The following ARHGAP39 variants were observed in gnomAD, a reference collection of about 807,000 sequenced individuals.
ARHGAP39 encodes rho GTPase-activating protein 39.
A neutral mutation model predicts 106.9 loss-of-function variants in ARHGAP39; 44 were observed. The ratio of observed to expected loss-of-function variants is 0.41; its 90% confidence interval spans 0.32 to 0.53. The LOEUF (loss-of-function observed/expected upper bound fraction) is 0.53. Among genes scored for constraint, ARHGAP39 ranks in the 20% least tolerant of loss-of-function variants. The probability of loss-of-function intolerance (pLI) is 0.21; values close to 1 mark genes in which losing one functional copy is unlikely to be tolerated. For synonymous variants in ARHGAP39, 768 were observed against 693.2 expected (o/e 1.11, Z -1.69); for missense variants, 1,496 against 1,577.3 (o/e 0.95, Z 0.87).
chr8:144,687,097 A>T (rs151099002), upstream of ARHGAP39, among the ~76,000 whole-genome samples: 205 of 5,178 alleles, frequency 0.04, 16 homozygotes, highest in African/African-American at 0.11. Context: ...CCGTGACCAC[A>T]CACTGGCGGC....
intron 1 of ARHGAP39, among the ~76,000 whole-genome samples, chr8:144,682,441 C>T (rs1563736809): frequency 4.1e-5 from 6 of 146,404 alleles, no homozygotes; most frequent in Admixed American, 2.1e-4. Flanking sequence ...CCCAGCTACT[C>T]GGGAGGCTGA....
chr8:144,671,959 G>A lies in ARHGAP39; in HGVS notation c.-82+13727C>T, dbSNP rs149472561. Among the ~76,000 whole-genome samples the A allele has an allele frequency of 0.021, 3,195 of 152,294 alleles. 122 individuals carry two copies. Among genetic ancestry groups the A allele is most frequent in the African/African-American group, 0.073 (3,043 of 41,560 alleles). On this transcript the variant is annotated intron_variant, in intron 1 of 11. Transcript: ENST00000377307. The surrounding 1 kb of genome is among the most constrained non-coding windows in gnomAD (Gnocchi z 4.5). The stretch of plus-strand genomic sequence containing the variant: ...TGCCAGAGCAATGGAGACAGGCTCC[G>A]CCCAAGTGAGGCTCATCCTGGGCCC...
intron 8 of ARHGAP39, among the ~76,000 whole-genome samples, chr8:144,533,552 C>T (rs367679854): frequency 3.3e-4 from 51 of 152,286 alleles, no homozygotes; most frequent in African/African-American, 1.2e-3. Flanking sequence ...GGCTCTGCCT[C>T]CCCCTCCTCT....
In ARHGAP39 at chr8:144,621,514, G is replaced by A. The variant is rs543468015; in HGVS notation, c.-81-15819C>T. ...CGGGAAGGGCTGGGGGGCAGGGCCT[G>A]GCAGGTGGGAGGAAGACAGTGGTGA... On this transcript the variant is annotated intron_variant, in intron 1 of 11. Coordinates refer to ENST00000377307, the MANE Select transcript of ARHGAP39 (RefSeq NM_025251.3). Among the ~76,000 whole-genome samples, 4 of 152,346 alleles carry A rather than the reference G, an allele frequency of 2.6e-5. No individual in the cohort carries two copies. In the South Asian group the frequency reaches 8.3e-4, roughly 32 times the overall value.
chr8:144,635,265 C>A (rs887793316), intron 1 of ARHGAP39, among the ~76,000 whole-genome samples: 1 of 152,070 alleles, frequency 6.6e-6, no homozygotes, highest in Non-Finnish European at 1.5e-5. Flanking sequence ...TGGGGGGAGG[C>A]GAAAGAGGCT....
intron 1 of ARHGAP39, among the ~76,000 whole-genome samples, chr8:144,676,134 G>C (rs978699485): frequency 6.6e-6 from 1 of 152,232 alleles, no homozygotes; most frequent in Non-Finnish European, 1.5e-5. Context: ...CCACAGCATG[G>C]AAGGGGACCC....
chr8:144,549,441 CTCTCT>C (rs1421535356), intron 4 of ARHGAP39, among the ~76,000 whole-genome samples: 4 of 152,298 alleles, frequency 2.6e-5, no homozygotes, highest in Non-Finnish European at 5.9e-5. Flanking sequence ...CCTGTTTCCT[CTCTCT>C]TCTCTTCTGG....
At chr8:144,583,325 C>T (rs1274086065) in intron 2 of ARHGAP39, among the ~76,000 whole-genome samples, 2 of 152,258 alleles carry the variant, frequency 1.3e-5, no homozygotes, top group African/African-American at 4.8e-5. Context: ...AAAAGGTTAA[C>T]AGCCTTCACC....
At chr8:144,602,261 A>C (rs1321556454) in intron 2 of ARHGAP39, among the ~76,000 whole-genome samples, 2 of 89,296 alleles carry the variant, frequency 2.2e-5, no homozygotes, top group Non-Finnish European at 4.2e-5. Context: ...GTGTGAGCTC[A>C]TGTACCTGTG....
rs959860522 is a variant in ARHGAP39, at chr8:144,644,973, C to A, written c.-81-39278G>T. On this transcript the variant is annotated intron_variant, in intron 1 of 11. Coordinates refer to ENST00000377307, the MANE Select transcript of ARHGAP39 (RefSeq NM_025251.3). This position sits in a 1 kb window ranked among gnomAD's most constrained non-coding sequence, Gnocchi z 4.8. ...CAGTGCGCCCATTCAGGACAGAAGT[C>A]AGTCCTCGCAGGCTTGTCCCTGGGT... Among the ~76,000 whole-genome samples, 5 of 152,256 alleles carry A rather than the reference C, an allele frequency of 3.3e-5. No individual in the cohort carries two copies. Among genetic ancestry groups the A allele is most frequent in the African/African-American group, 1.2e-4 (5 of 41,462 alleles).
chr8:144,660,068 C>G (rs1164561156), intron 1 of ARHGAP39, among the ~76,000 whole-genome samples: 1 of 152,216 alleles, frequency 6.6e-6, no homozygotes, highest in African/African-American at 2.4e-5. Flanking sequence ...ACCACATGCA[C>G]TTGCATTGTG....
At chr8:144,609,140 G>C (rs1339274247) in intron 1 of ARHGAP39, among the ~76,000 whole-genome samples, 1 of 152,200 alleles carries the variant, frequency 6.6e-6, no homozygotes, top group Admixed American at 6.5e-5. Context: ...CTCAGGGAAA[G>C]CATCCAGTCT....
chr8:144,595,721 T>C (rs1246441087), intron 2 of ARHGAP39, among the ~76,000 whole-genome samples: 1 of 151,934 alleles, frequency 6.6e-6, no homozygotes, highest in African/African-American at 2.4e-5. Flanking sequence ...GCCATGGCAA[T>C]GCTGAGCTCC....
intron 8 of ARHGAP39, among the ~76,000 whole-genome samples, chr8:144,533,877 G>A (rs965957997): frequency 2.0e-5 from 3 of 152,150 alleles, no homozygotes; most frequent in Admixed American, 1.3e-4. Context: ...CTGTGGTGCG[G>A]TGTGACTGAG....
Position 144,548,621 on chromosome 8 carries a change from G to A in ARHGAP39, c.597-132C>T. The A allele has an allele frequency of 7.8e-7, 1 of 1,277,376 alleles. No homozygotes were observed. 79.1% of individuals were successfully genotyped at this position (1,277,376 alleles called of 1,614,324 possible). A position where few individuals can be genotyped will look rare whatever the true frequency, so the allele number is the denominator to read the frequency against. On this transcript the variant is annotated intron_variant, in intron 4 of 11. Coordinates refer to ENST00000377307, the MANE Select transcript of ARHGAP39 (RefSeq NM_025251.3). The surrounding 1 kb of genome is among the most constrained non-coding windows in gnomAD (Gnocchi z 7.4). ...ACACCTTCCTCGCTGGGGCCCTGTG[G>A]CCTGGCGCCCCTCACACCTGCCTTG...
Position 144,547,107 on chromosome 8 carries a change from C to G in ARHGAP39, c.1959+20G>C, listed in dbSNP as rs376270412. On this transcript the variant is annotated intron_variant, in intron 5 of 11. Coordinates refer to ENST00000377307, the MANE Select transcript of ARHGAP39 (RefSeq NM_025251.3). The surrounding 1 kb of genome is among the most constrained non-coding windows in gnomAD (Gnocchi z 5.2). Reference sequence around the variant, plus strand: ...CTGGCCCCAGGCTCTCAAGCTCAGCCGCGCCCATTGGGCCCTCACCTGTGA... The same window carrying G: ...CTGGCCCCAGGCTCTCAAGCTCAGCGGCGCCCATTGGGCCCTCACCTGTGA... 3 of 1,553,916 alleles carry G rather than the reference C, an allele frequency of 1.9e-6. No individual in the cohort carries two copies. The highest frequency in any genetic ancestry group is 2.7e-5 in the African/African-American group (2 of 73,522).
intron 1 of ARHGAP39, among the ~76,000 whole-genome samples, chr8:144,635,964 A>T (rs1156299684): frequency 4.9e-5 from 1 of 20,210 alleles, no homozygotes; most frequent in East Asian, 1.8e-3. Context: ...GGCTACCGCC[A>T]GGTAGACAGT....
In ARHGAP39 at chr8:144,632,914, C is replaced by G. The variant is rs146712249; in HGVS notation, c.-81-27219G>C. Among the ~76,000 whole-genome samples, 1,087 of 152,364 alleles carry G rather than the reference C, an allele frequency of 7.1e-3. 14 individuals are homozygous for G. The highest frequency in any genetic ancestry group is 0.024 in the African/African-American group (1,015 of 41,592). On this transcript the variant is annotated intron_variant, in intron 1 of 11. Coordinates refer to ENST00000377307, the MANE Select transcript of ARHGAP39 (RefSeq NM_025251.3). ...GAATTATGAATCCAGCTCAAGAAAT[C>G]TTCCGGGCCATGCTCAGTAGGCCAA...
chr8:144,599,707 C>T (rs1819771775), intron 2 of ARHGAP39, among the ~76,000 whole-genome samples: 1 of 152,082 alleles, frequency 6.6e-6, no homozygotes, highest in African/African-American at 2.4e-5. Context: ...GATGCCAGAA[C>T]CATAATGAAG....
Sources: allele counts gnomAD v4.1 joint callset (sites outside exome capture counted in the v4.1 genomes callset), GRCh38; gene constraint gnomAD v4.1.1; non-coding constraint Gnocchi (gnomAD v3.1); transcripts MANE v1.5; gene names NCBI Gene and HGNC (gene_info 2026-07-23, HGNC 2026-07-21).